SUSD6: variants seen among roughly 807,000 people sequenced by gnomAD.
SUSD6 encodes the protein sushi domain-containing protein 6.
SUSD6 carries 16 observed loss-of-function variants against 28.4 expected under a neutral mutation model. The observed-to-expected ratio is 0.56, with a 90% CI of 0.38 to 0.86. The LOEUF is 0.86. Ranked by LOEUF, SUSD6 falls within the 40% of genes least tolerant of loss-of-function variation. SUSD6 has a pLI of 0.00. For missense variants in SUSD6, 341 were observed against 384.2 expected, an observed-to-expected ratio of 0.89 and a Z score of 0.94; for synonymous variants, 147 against 159.6, an observed-to-expected ratio of 0.92 and a Z score of 0.59.
At chr14:69,696,049 G>T (rs1276770814) in intron 2 of SUSD6, among the ~76,000 whole-genome samples, 1 of 152,230 alleles carries the variant, frequency 6.6e-6, no homozygotes, top group Non-Finnish European at 1.5e-5. Flanking sequence ...GAAGTAGCTG[G>T]ATGTCTCCAA....
At chr14:69,689,889 C>T (rs1490979286) in intron 2 of SUSD6, among the ~76,000 whole-genome samples, 4 of 152,214 alleles carry the variant, frequency 2.6e-5, no homozygotes, top group African/African-American at 9.6e-5. Context: ...TGATCTCGAT[C>T]TCCTGGCCTC....
At chr14:69,651,973 A>G (rs1885510840) in intron 1 of SUSD6, among the ~76,000 whole-genome samples, 1 of 152,190 alleles carries the variant, frequency 6.6e-6, no homozygotes, top group South Asian at 2.1e-4. Flanking sequence ...TGTTTCTGGA[A>G]CTGTTCTTTG....
chr14:69,658,903 C>T (rs769608280), intron 2 of SUSD6, among the ~76,000 whole-genome samples, 190 bp downstream of exon 2: 6 of 152,076 alleles, frequency 3.9e-5, no homozygotes, highest in Non-Finnish European at 5.9e-5. Context: ...GGAGGAGGGG[C>T]GTGTGGGAGC....
chr14:69,709,145 G>A, intron 5 of SUSD6, 41 bp downstream of exon 5: 5 of 1,492,306 alleles, frequency 3.4e-6, no homozygotes, highest in Non-Finnish European at 4.5e-6. Flanking sequence ...AGCTGCTTAG[G>A]GTCCTTGCTG....
intron 2 of SUSD6, 79 bp from the exon 3 acceptor site, chr14:69,703,316 C>A: frequency 8.6e-7 from 1 of 1,161,082 alleles, no homozygotes; most frequent in Non-Finnish European, 1.3e-6. Context: ...CTGTAGAGGC[C>A]TTCAGAGCTG....
chr14:69,677,643 G>C (rs1029290777), intron 2 of SUSD6, among the ~76,000 whole-genome samples: 1 of 152,060 alleles, frequency 6.6e-6, no homozygotes, highest in African/African-American at 2.4e-5. Flanking sequence ...GGGGTGGGTG[G>C]CAGCAGTGGA....
intron 2 of SUSD6, among the ~76,000 whole-genome samples, chr14:69,694,131 A>G (rs371717348): frequency 1.1e-3 from 175 of 152,318 alleles, no homozygotes; most frequent in African/African-American, 4.0e-3. Context: ...CCTATGGCTT[A>G]GATGTGTGGG....
chr14:69,654,523 A>G (rs934596301), intron 1 of SUSD6, among the ~76,000 whole-genome samples: 3 of 152,150 alleles, frequency 2.0e-5, no homozygotes, highest in African/African-American at 4.8e-5. Flanking sequence ...AAATGACTCT[A>G]TTCCTGGTAG....
intron 2 of SUSD6, among the ~76,000 whole-genome samples, chr14:69,664,356 G>A (rs998351925): frequency 1.3e-5 from 2 of 152,148 alleles, no homozygotes; most frequent in Admixed American, 6.5e-5. Context: ...GTTTGCCAAG[G>A]TGGTTCTATT....
At chr14:69,691,176 T>C (rs1199067837) in intron 2 of SUSD6, among the ~76,000 whole-genome samples, 1 of 152,066 alleles carries the variant, frequency 6.6e-6, no homozygotes, top group Admixed American at 6.5e-5. Flanking sequence ...ACCCTGTCCT[T>C]ACTAAAAATA....
At chr14:69,632,180 T>A (rs182582902) in intron 1 of SUSD6, among the ~76,000 whole-genome samples, 1 of 152,368 alleles carries the variant, frequency 6.6e-6, no homozygotes, top group East Asian at 1.9e-4. Context: ...TACAGGTTAA[T>A]GGCAACCCTT....
intron 1 of SUSD6, among the ~76,000 whole-genome samples, chr14:69,623,045 G>C (rs1195809833): frequency 1.3e-5 from 2 of 152,178 alleles, no homozygotes; most frequent in Non-Finnish European, 2.9e-5. Flanking sequence ...GGGTTCAAAT[G>C]CTAAATCAGA....
intron 2 of SUSD6, among the ~76,000 whole-genome samples, chr14:69,673,196 T>C (rs183624271): frequency 2.6e-5 from 4 of 152,304 alleles, no homozygotes; most frequent in Admixed American, 2.0e-4. Context: ...TGGAGGTTAT[T>C]TGCACTAGTG....
intron 1 of SUSD6, among the ~76,000 whole-genome samples, chr14:69,654,784 T>G (rs1401379349): frequency 3.0e-5 from 1 of 33,888 alleles, no homozygotes. Flanking sequence ...TTTTTTTTTT[T>G]TTTTTGGTGT....
intron 2 of SUSD6, among the ~76,000 whole-genome samples, chr14:69,693,660 A>G (rs1165228515): frequency 6.6e-6 from 1 of 152,228 alleles, no homozygotes; most frequent in Non-Finnish European, 1.5e-5. Context: ...GCCAGGCATG[A>G]TACAAGACCC....
intron 2 of SUSD6, among the ~76,000 whole-genome samples, chr14:69,681,549 A>AC (rs1254434247): frequency 6.6e-6 from 1 of 152,188 alleles, no homozygotes; most frequent in African/African-American, 2.4e-5. Context: ...AGAGAAGGGG[A>AC]CGGCCCCGTA....
chr14:69,612,690 G>GT (rs981241197), intron 1 of SUSD6, among the ~76,000 whole-genome samples: 3 of 152,202 alleles, frequency 2.0e-5, no homozygotes, highest in Non-Finnish European at 4.4e-5. Flanking sequence ...GCCTAAAGCT[G>GT]TTGTTCCCAC....
rs182598825 is a variant in SUSD6 at position 69,668,228 on chromosome 14, G to A, written c.121+9515G>A. On this transcript the variant is annotated intron_variant, in intron 2 of 5. Transcript: ENST00000342745. Reference sequence around the variant, plus strand: ...GGCTCTTCTGTGGAGAAAAGAGAGGGCCCAGGCAACCTGCCTAGAAGAGTA... The same window carrying A: ...GGCTCTTCTGTGGAGAAAAGAGAGGACCCAGGCAACCTGCCTAGAAGAGTA... Among the ~76,000 whole-genome samples the A allele has an allele frequency of 1.9e-3, 286 of 152,336 alleles. 1 individual carries two copies. The highest frequency in any genetic ancestry group is 3.5e-3 in the Non-Finnish European group (241 of 68,024).
At chr14:69,701,411 G>A (rs1174116658) in intron 2 of SUSD6, among the ~76,000 whole-genome samples, 4 of 152,114 alleles carry the variant, frequency 2.6e-5, no homozygotes, top group Admixed American at 1.3e-4. Flanking sequence ...GCTGCCATGG[G>A]GTGCTCAGCA....
Sources: gnomAD v4.1 joint callset for allele counts (sites outside exome capture counted in the v4.1 genomes callset) on GRCh38, gnomAD v4.1.1 for gene constraint, MANE v1.5 for transcripts, NCBI Gene and HGNC (gene_info 2026-07-23, HGNC 2026-07-21) for gene names.